RPRD2: variants seen among roughly 807,000 people sequenced by gnomAD.
RPRD2 encodes regulation of nuclear pre-mRNA domain containing 2.
Under a neutral mutation model 104.4 loss-of-function variants are expected in RPRD2, and 12 were observed. That is an observed-to-expected ratio of 0.11 (90% confidence interval 0.07 to 0.19). The LOEUF is 0.19. RPRD2 is among the 10% of genes least tolerant of loss of function. The probability of loss-of-function intolerance (pLI) is 1.00; values close to 1 mark genes in which losing one functional copy is unlikely to be tolerated. For synonymous variants in RPRD2, 714 were observed against 684.9 expected (o/e 1.04, Z -0.66); for missense variants, 1,543 against 1,790.1 (o/e 0.86, Z 2.49).
chr1:150,394,725 G>T (rs1662356775), intron 1 of RPRD2, among the ~76,000 whole-genome samples: 1 of 152,128 alleles, frequency 6.6e-6, no homozygotes, highest in Non-Finnish European at 1.5e-5. Context: ...AGAGTAGGTG[G>T]TGCACACCAC....
intron 1 of RPRD2, among the ~76,000 whole-genome samples, chr1:150,375,534 G>A (rs1040195112): frequency 6.6e-6 from 1 of 152,168 alleles, no homozygotes; most frequent in Non-Finnish European, 1.5e-5. Flanking sequence ...TTTTTAGGGA[G>A]TAGAAGCTTA....
intron 2 of RPRD2, among the ~76,000 whole-genome samples, chr1:150,421,813 C>CA (rs1300327664): frequency 7.3e-5 from 11 of 151,202 alleles, no homozygotes; most frequent in Non-Finnish European, 1.3e-4. Flanking sequence ...CCTGTCTCTA[C>CA]AAAAAAAATT....
chr1:150,431,492 T>TTTTTTTC (rs1665582128), intron 2 of RPRD2, among the ~76,000 whole-genome samples: 1 of 147,100 alleles, frequency 6.8e-6, no homozygotes, highest in Non-Finnish European at 1.5e-5. Context: ...TTTTTTTTTT[T>TTTTTTTC]TTTTTGAGAC....
intron 7 of RPRD2, among the ~76,000 whole-genome samples, chr1:150,448,923 CAA>C (rs1464140842): frequency 6.7e-6 from 1 of 150,340 alleles, no homozygotes; most frequent in Admixed American, 6.6e-5. Context: ...AGTAATTTCC[CAA>C]AAAAAAAGTG....
At chr1:150,443,416 T>TA in intron 5 of RPRD2, 133 bp downstream of exon 5, 2 of 588,912 alleles carry the variant, frequency 3.4e-6, no homozygotes, top group African/African-American at 1.9e-5. Context: ...TGAACTGTTC[T>TA]AAAGGAACCC....
intron 1 of RPRD2, among the ~76,000 whole-genome samples, chr1:150,369,581 C>T (rs1305128140): frequency 1.4e-5 from 2 of 144,618 alleles, no homozygotes; most frequent in Admixed American, 7.0e-5. Context: ...CTCAGCCTCC[C>T]GAGCAGCTGG....
chr1:150,416,167 T>C (rs1406472371), intron 1 of RPRD2, among the ~76,000 whole-genome samples: 1 of 152,152 alleles, frequency 6.6e-6, no homozygotes, highest in Non-Finnish European at 1.5e-5. Flanking sequence ...AAATTTGGGA[T>C]TTCATTGAGC....
At position 150,417,182 on chromosome 1, in the gene RPRD2, T is replaced by C. The variant is rs1442045717; in HGVS notation, c.206-414T>C. ...GAGCATGTTCAACTCATTTTTTTTT[T>C]GTCTTCTCAGATGTTTGAGACTATA... On this transcript the variant is annotated intron_variant, in intron 1 of 10. Transcript: ENST00000369068. 4.0e-5 allele frequency among the ~76,000 whole-genome samples: 6 copies of C among 151,186 alleles called. No homozygotes were observed. The East Asian group carries it at 1.2e-3, about 29-fold the overall frequency.
At chr1:150,438,842 C>CTT (rs797042825) in intron 2 of RPRD2, among the ~76,000 whole-genome samples, 73 of 146,804 alleles carry the variant, frequency 5.0e-4, no homozygotes, top group African/African-American at 1.7e-3. Flanking sequence ...CATATCTAAA[C>CTT]TTTTTTTTTT....
intron 1 of RPRD2, 68 bp downstream of exon 1, chr1:150,364,987 T>C (rs782181935): frequency 2.1e-5 from 32 of 1,524,132 alleles, no homozygotes; most frequent in Non-Finnish European, 2.8e-5. Context: ...CTGAAACGCT[T>C]GGGGTTTTCC....
chr1:150,422,537 G>A (rs186316277), intron 2 of RPRD2, among the ~76,000 whole-genome samples: 1 of 152,146 alleles, frequency 6.6e-6, no homozygotes, highest in African/African-American at 2.4e-5. Context: ...GGTTGAGTGT[G>A]AGAAAAAATT....
At chr1:150,424,437 G>T (rs1377638994) in intron 2 of RPRD2, among the ~76,000 whole-genome samples, 1 of 152,022 alleles carries the variant, frequency 6.6e-6, no homozygotes, top group Admixed American at 6.6e-5. Flanking sequence ...ACAGGCGAGC[G>T]CCACCATGCC....
At position 150,472,645 on chromosome 1, in the gene RPRD2, A is replaced by G. The variant is rs781152002; in HGVS notation, c.3697A>G (p.Thr1233Ala). Reference sequence around the variant, plus strand: ...TGGTATCTTCTCTCGAGATGCACCCACTCATCTACCCTCTGTGGATCTTTC... The same window carrying G: ...TGGTATCTTCTCTCGAGATGCACCCGCTCATCTACCCTCTGTGGATCTTTC... ...HGGIFSRDAP[T>A]HLPSVDLSNP... Residue 1233 changes from threonine (T) to alanine (A), a missense_variant, in exon 11 of 11, where the codon ACT becomes GCT. Thr to Ala is a moderately conservative substitution (Grantham distance 58). This residue lies in a region of RPRD2 where 880 missense variants were observed against 885.6 expected (regional missense o/e 0.99). Coordinates refer to ENST00000369068, the MANE Select transcript of RPRD2 (RefSeq NM_015203.5). 3 of 1,613,520 alleles carry G rather than the reference A, an allele frequency of 1.9e-6. No individual in the cohort carries two copies. Among genetic ancestry groups the G allele is most frequent in the Non-Finnish European group, 2.5e-6 (3 of 1,179,712 alleles).
chr1:150,459,593 CT>C (rs138250082), intron 8 of RPRD2, among the ~76,000 whole-genome samples: 201 of 137,792 alleles, frequency 1.5e-3, no homozygotes, highest in Middle Eastern at 3.6e-3. Context: ...AAATTGCTTG[CT>C]TTTTTTTTTT....
chr1:150,427,735 G>C (rs1260026201), intron 2 of RPRD2, among the ~76,000 whole-genome samples: 1 of 151,940 alleles, frequency 6.6e-6, no homozygotes, highest in East Asian at 1.9e-4. Context: ...GGAGGTCAAG[G>C]CTGCAGTGAG....
intron 1 of RPRD2, among the ~76,000 whole-genome samples, chr1:150,388,360 A>G (rs1481676012): frequency 2.9e-5 from 3 of 103,538 alleles, no homozygotes; most frequent in African/African-American, 1.2e-4. Context: ...ACATATACAT[A>G]TATACATGTA....
rs372578403 is a variant in RPRD2 at position 150,431,185 on chromosome 1, C to T, written c.336-9738C>T. Reference sequence around the variant, plus strand: ...ATGTGGAAAAATTGGAACCCATTTACATTTCTTGTAGTAATGTAAAATGGT... The same window carrying T: ...ATGTGGAAAAATTGGAACCCATTTATATTTCTTGTAGTAATGTAAAATGGT... On this transcript the variant is annotated intron_variant, in intron 2 of 10. Transcript: ENST00000369068. 2.0e-4 allele frequency among the ~76,000 whole-genome samples: 30 copies of T among 152,206 alleles called. 1 individual carries two copies. In the East Asian group the frequency reaches 5.4e-3, roughly 27 times the overall value.
Position 150,457,348 on chromosome 1 carries a change from T to G in RPRD2, c.931T>G (p.Ser311Ala), listed in dbSNP as rs367849866. 8.8e-5 allele frequency: 141 copies of G among 1,608,478 alleles called. 1 individual carries two copies. The highest frequency in any genetic ancestry group is 1.2e-4 in the Non-Finnish European group (138 of 1,174,962). The change falls in exon 8 of 11, where the codon TCA becomes GCA. Residue 311 changes from serine to alanine, a missense_variant. Physicochemically the swap from Ser to Ala is moderately conservative, Grantham distance 99. This residue lies in a region of RPRD2 where 572 missense variants were observed against 787.3 expected (regional missense o/e 0.73). Coordinates refer to ENST00000369068, the MANE Select transcript of RPRD2 (RefSeq NM_015203.5). ...AAAGAAGAAGTTGGATCAATTGAAG[T>G]CAACCCTTCCAGATCCTGAAGAATC... The part of the protein sequence containing the change: ...NLKKKLDQLK[S>A]TLPDPEESPV...
intron 1 of RPRD2, among the ~76,000 whole-genome samples, chr1:150,367,302 G>A (rs587676786): frequency 3.3e-5 from 5 of 152,290 alleles, no homozygotes; most frequent in Admixed American, 6.5e-5. Context: ...AACAGTTTAT[G>A]CATGGGCCTT....
Sources: allele counts gnomAD v4.1 joint callset (sites outside exome capture counted in the v4.1 genomes callset), GRCh38; gene constraint gnomAD v4.1.1; regional missense constraint gnomAD v4.1.1; transcripts MANE v1.5; gene names NCBI Gene and HGNC (gene_info 2026-07-23, HGNC 2026-07-21).